Variants in LYRM1 observed in about 807,000 individuals in gnomAD.
The protein encoded by LYRM1 is LYR motif containing 1.
Under a neutral mutation model 14.9 loss-of-function variants are expected in LYRM1, and 14 were observed. That is an observed-to-expected ratio of 0.94 (90% CI 0.62 to 1.47). The LOEUF is 1.47. Among genes scored for constraint, LYRM1 ranks in the 40% most tolerant of loss-of-function variants. The probability of loss-of-function intolerance (pLI) is 0.00; values close to 1 mark genes in which losing one functional copy is unlikely to be tolerated. For synonymous variants in LYRM1, 43 were observed against 56.2 expected (o/e 0.77, Z 1.05); for missense variants, 153 against 149.9 (o/e 1.02, Z -0.11).
In LYRM1 at chr16:20,901,018, C is replaced by A. The variant is rs976066051; in HGVS notation, c.-1+129C>A. 1 of 152,432 alleles carries A rather than the reference C, an allele frequency of 6.6e-6. No individual in the cohort carries two copies. Among genetic ancestry groups the A allele is most frequent in the Admixed American group, 6.5e-5 (1 of 15,284 alleles). The allele number at this position is 152,432 out of a possible 1,614,324, so 9.4% of individuals were successfully genotyped here. A position where few individuals can be genotyped will look rare whatever the true frequency, so the allele number is the denominator to read the frequency against. Reference sequence around the variant, plus strand: ...TGCCGGGAGACGGGCCTGTGTGACCCCAGCTTCGCGGGGGCGGCTCGGTGT... The same window carrying A: ...TGCCGGGAGACGGGCCTGTGTGACCACAGCTTCGCGGGGGCGGCTCGGTGT... On this transcript the variant is annotated intron_variant, in intron 1 of 3. Coordinates refer to ENST00000567954, the MANE Select transcript of LYRM1 (RefSeq NM_001128302.3). This position sits in a 1 kb window ranked among gnomAD's most constrained non-coding sequence, Gnocchi z 4.6.
chr16:20,903,585 C>A (rs1014554555), intron 1 of LYRM1, among the ~76,000 whole-genome samples: 1 of 152,182 alleles, frequency 6.6e-6, no homozygotes, highest in Non-Finnish European at 1.5e-5. Context: ...TTATCTTGGT[C>A]AGCATTGGAC....
chr16:20,911,941 G>T (rs1448026651), intron 1 of LYRM1, among the ~76,000 whole-genome samples: 1 of 151,722 alleles, frequency 6.6e-6, no homozygotes, highest in African/African-American at 2.4e-5. Context: ...GTTTGTTTTT[G>T]AGATGGGGTC....
intron 1 of LYRM1, among the ~76,000 whole-genome samples, chr16:20,907,815 C>G (rs571041194): frequency 2.6e-5 from 4 of 152,292 alleles, no homozygotes; most frequent in African/African-American, 7.2e-5. Flanking sequence ...CAGAAAATAA[C>G]CCCCACCTCT....
chr16:20,920,066 C>A, intron 2 of LYRM1, 56 bp from the exon 3 acceptor site: 1 of 1,207,820 alleles, frequency 8.3e-7, no homozygotes, highest in Non-Finnish European at 1.2e-6. Flanking sequence ...TATACCTATA[C>A]TCTATGTACC....
At chr16:20,908,433 A>G (rs2082428106) in intron 1 of LYRM1, among the ~76,000 whole-genome samples, 1 of 152,228 alleles carries the variant, frequency 6.6e-6, no homozygotes, top group African/African-American at 2.4e-5. Context: ...GATTAAAAGC[A>G]TGGGCTCTGA....
intron 2 of LYRM1, 122 bp from the exon 3 acceptor site, chr16:20,919,999 TC>T: frequency 1.9e-6 from 1 of 538,776 alleles, no homozygotes; most frequent in Non-Finnish European, 3.2e-6. Context: ...CTTTTGATTT[TC>T]CAAATTAGTA....
At chr16:20,922,101 C>T (rs932573934) in intron 3 of LYRM1, 1 of 151,872 alleles carries the variant, frequency 6.6e-6, no homozygotes, top group Non-Finnish European at 1.5e-5. Flanking sequence ...TCACCTGCCT[C>T]AGCCTCCTGA....
At chr16:20,905,383 G>T (rs182873156) in intron 1 of LYRM1, among the ~76,000 whole-genome samples, 3 of 152,080 alleles carry the variant, frequency 2.0e-5, no homozygotes, top group African/African-American at 4.8e-5. Context: ...AGCCTTGTCC[G>T]CCCAGAGCCC....
In LYRM1 at chr16:20,915,548, G is replaced by A. The variant is rs763597237; in HGVS notation, c.1-8G>A. The stretch of plus-strand genomic sequence containing the variant: ...AATTTTCCCTCTTCTATTTTGGTGG[G>A]TCTGAAGATGACAACGGCAACACGA... On this transcript the variant is annotated splice_polypyrimidine_tract_variant and splice_region_variant and intron_variant, in intron 1 of 3. Transcript: ENST00000567954. 6.2e-7 allele frequency: 1 copy of A among 1,613,674 alleles called. No individual in the cohort carries two copies. The highest frequency in any genetic ancestry group is 1.7e-5 in the Admixed American group (1 of 59,942).
At chr16:20,904,625 A>G (rs1186752976) in intron 1 of LYRM1, among the ~76,000 whole-genome samples, 1 of 151,602 alleles carries the variant, frequency 6.6e-6, no homozygotes, top group Non-Finnish European at 1.5e-5. Context: ...CATGTGAGGC[A>G]TTACACTTCC....
At chr16:20,912,095 T>G (rs2152539903) in intron 1 of LYRM1, among the ~76,000 whole-genome samples, 1 of 152,060 alleles carries the variant, frequency 6.6e-6, no homozygotes, top group East Asian at 1.9e-4. Context: ...CCATCAGCCC[T>G]GTCCAATTTT....
chr16:20,903,962 G>T (rs1340906445), intron 1 of LYRM1, among the ~76,000 whole-genome samples: 1 of 115,710 alleles, frequency 8.6e-6, no homozygotes, highest in Admixed American at 8.5e-5. Context: ...CCTGGCTGGG[G>T]AGTTATGAAT....
intron 3 of LYRM1, 42 bp from the exon 4 acceptor site, chr16:20,923,958 A>G (rs746732002): frequency 7.2e-6 from 8 of 1,109,736 alleles, no homozygotes; most frequent in African/African-American, 6.2e-5. Flanking sequence ...AGCTGCTGCA[A>G]TGATGATGAA....
At chr16:20,909,794 C>G (rs1031973529) in intron 1 of LYRM1, among the ~76,000 whole-genome samples, 2 of 152,304 alleles carry the variant, frequency 1.3e-5, no homozygotes, top group African/African-American at 4.8e-5. Context: ...CACAAACTTT[C>G]TATAGCACAG....
upstream of LYRM1, chr16:20,899,900 C>G (rs550670348): frequency 6.6e-6 from 1 of 152,558 alleles, no homozygotes; most frequent in African/African-American, 2.4e-5. Context: ...CAGCGCTCAC[C>G]CAGGACAGAG....
chr16:20,915,516 T>G, intron 1 of LYRM1, 40 bp from the exon 2 acceptor site: 1 of 1,590,556 alleles, frequency 6.3e-7, no homozygotes, highest in Middle Eastern at 1.7e-4. Flanking sequence ...AGTTGCATTT[T>G]TATGCAAATT....
intron 1 of LYRM1, among the ~76,000 whole-genome samples, chr16:20,905,483 T>TTAG (rs1347902936): frequency 6.6e-6 from 1 of 152,164 alleles, no homozygotes; most frequent in East Asian, 1.9e-4. Context: ...GGCAAGAACA[T>TTAG]CTGGTTGCTC....
At chr16:20,922,108 C>G (rs1398836517) in intron 3 of LYRM1, 1 of 151,898 alleles carries the variant, frequency 6.6e-6, no homozygotes, top group Non-Finnish European at 1.5e-5. Flanking sequence ...CCTCAGCCTC[C>G]TGAGTAGCTG....
intron 1 of LYRM1, among the ~76,000 whole-genome samples, chr16:20,910,373 T>C (rs758717473): frequency 5.9e-5 from 9 of 152,242 alleles, no homozygotes; most frequent in Non-Finnish European, 1.2e-4. Flanking sequence ...GGTCACCTGA[T>C]GTTGCAGAGT....
Sources: allele counts gnomAD v4.1 joint callset (sites outside exome capture counted in the v4.1 genomes callset), GRCh38; gene constraint gnomAD v4.1.1; non-coding constraint Gnocchi (gnomAD v3.1); transcripts MANE v1.5; gene names NCBI Gene and HGNC (gene_info 2026-07-23, HGNC 2026-07-21).